Variants in PLXND1 observed in about 807,000 individuals in gnomAD.
PLXND1 encodes the protein plexin D1.
In PLXND1, 54 loss-of-function variants were observed where a neutral mutation model predicts 197.7. The ratio of observed to expected loss-of-function variants is 0.27; its 90% CI spans 0.22 to 0.34. The LOEUF (loss-of-function observed/expected upper bound fraction) is 0.34, where lower values mean the gene tolerates loss of function less well. Ranked by LOEUF, PLXND1 falls within the 10% of genes least tolerant of loss-of-function variation. The probability of loss-of-function intolerance (pLI) is 1.00; values close to 1 mark genes in which losing one functional copy is unlikely to be tolerated. For missense variants in PLXND1, 2,127 were observed against 2,699.2 expected (o/e 0.79, Z 4.70); for synonymous variants, 1,180 against 1,161.2 (o/e 1.02, Z -0.33).
In PLXND1 at chr3:129,605,305, GCCGCCGCCA is replaced by G. The variant is rs1351785066; in HGVS notation, c.1311+15_1311+23del. The G allele has an allele frequency of 8.8e-7, 1 of 1,133,228 alleles. No individual in the cohort carries two copies. Among genetic ancestry groups the G allele is most frequent in the Admixed American group, 4.5e-5 (1 of 22,214 alleles). The allele number at this position is 1,133,228 out of a possible 1,614,324, so 70.2% of individuals were successfully genotyped here. A position where few individuals can be genotyped will look rare whatever the true frequency, so the allele number is the denominator to read the frequency against. On this transcript the variant is annotated intron_variant, in intron 1 of 35. Transcript: ENST00000324093. ...CGCCCCCGCCGCCGCCGCCGCCGCC[GCCGCCGCCA>G]CCGCCCGGGTGTACCTGGATGTTGA... is the stretch of plus-strand genomic sequence containing the variant.
chr3:129,573,619 G>C lies in PLXND1; in HGVS notation c.2812C>G (p.Pro938Ala). ...WIGGVACEPLPDRYTVSEEIV... is the reference protein window; with the variant it reads ...WIGGVACEPLADRYTVSEEIV... The stretch of plus-strand genomic sequence containing the variant: ...TCCTCCGACACCGTGTATCTGTCAG[G>C]CAGTGGCTCACAGGCCACACCACCA... Residue 938 changes from proline to alanine, a missense_variant, in exon 13 of 36, where the codon CCT (proline) becomes GCT (alanine). By Grantham distance (27) the Pro-to-Ala change is conservative. Around this residue, in one of 6 missense-constraint regions of PLXND1, gnomAD observed 1,095 missense variants for 1,259.8 expected, o/e 0.87. Coordinates refer to ENST00000324093, the MANE Select transcript of PLXND1 (RefSeq NM_015103.3). The C allele has an allele frequency of 6.2e-7, 1 of 1,613,464 alleles. No homozygotes were observed. The highest frequency in any genetic ancestry group is 8.5e-7 in the Non-Finnish European group (1 of 1,179,974).
chr3:129,568,154 TGG>T (rs902763819), intron 20 of PLXND1, among the ~76,000 whole-genome samples: 1 of 151,948 alleles, frequency 6.6e-6, no homozygotes, highest in Admixed American at 6.6e-5. Flanking sequence ...CTTTCCTGGG[TGG>T]GAGGATTCTG....
rs1275216860 is a variant in PLXND1 at position 129,578,362 on chromosome 3, G to C, written c.2313C>G (p.Ile771Met). The C allele has an allele frequency of 6.2e-7, 1 of 1,607,046 alleles. No homozygotes were observed. Among genetic ancestry groups the C allele is most frequent in the African/African-American group, 1.3e-5 (1 of 74,894 alleles). Residue 771 changes from isoleucine to methionine, a missense_variant, in exon 9 of 36, where the codon ATC (isoleucine) becomes ATG (methionine). Ile to Met is a conservative substitution (Grantham distance 10). Coordinates refer to ENST00000324093, the MANE Select transcript of PLXND1 (RefSeq NM_015103.3). Reference sequence around the variant, plus strand: ...AGGCAGTGTTGGCCAGAGGCACCAGGATGTTCTGGGAGCCACCCGTAGGCA... The same window carrying C: ...AGGCAGTGTTGGCCAGAGGCACCAGCATGTTCTGGGAGCCACCCGTAGGCA... The part of the protein sequence containing the change: ...APVPTGGSQN[I>M]LVPLANTAFF...
At chr3:129,589,329 C>T (rs767422812) in intron 2 of PLXND1, 22 bp downstream of exon 2, 11 of 1,396,358 alleles carry the variant, frequency 7.9e-6, no homozygotes, top group Non-Finnish European at 9.9e-6. Context: ...CACCCCCTCC[C>T]CACATCCCCA....
chr3:129,560,425 T>A lies in PLXND1; in HGVS notation c.5038A>T (p.Thr1680Ser). Reference sequence around the variant, plus strand: ...TTCTTGGGCTCCGCCAGCTCGTCCGTAGGCAGCACCTGGGAGGCCGGGCAG... The same window carrying A: ...TTCTTGGGCTCCGCCAGCTCGTCCGAAGGCAGCACCTGGGAGGCCGGGCAG... ...TEKYFHLVLP[T>S]DELAEPKKSH... Residue 1680 changes from threonine (T) to serine (S), a missense_variant, in exon 31 of 36, where the codon ACG becomes TCG. Transcript: ENST00000324093. 1 of 1,612,564 alleles carries A rather than the reference T, an allele frequency of 6.2e-7. No individual in the cohort carries two copies. The highest frequency in any genetic ancestry group is 8.5e-7 in the Non-Finnish European group (1 of 1,178,746).
Position 129,605,383 on chromosome 3 carries a change from G to GAGC in PLXND1, c.1254_1256dup (p.Leu419dup), listed in dbSNP as rs1382276323. Reference sequence around the variant, plus strand: ...GTCCCGTGCCCTGCACCACGCTGTCGAGCACCGCCACCACGTCGGGCGCCG... The same window carrying GAGC: ...GTCCCGTGCCCTGCACCACGCTGTCGAGCAGCACCGCCACCACGTCGGGCGCCG... On this transcript the variant is annotated inframe_insertion, in exon 1 of 36. Coordinates refer to ENST00000324093, the MANE Select transcript of PLXND1 (RefSeq NM_015103.3). 3 of 1,502,282 alleles carry GAGC rather than the reference G, an allele frequency of 2.0e-6. No individual in the cohort carries two copies. The highest frequency in any genetic ancestry group is 2.6e-6 in the Non-Finnish European group (3 of 1,133,860). 93.1% of individuals were successfully genotyped at this position (1,502,282 alleles called of 1,614,324 possible).
chr3:129,569,663 G>A (rs2085193955), intron 20 of PLXND1, 180 bp downstream of exon 20: 3 of 592,800 alleles, frequency 5.1e-6, no homozygotes, highest in Non-Finnish European at 9.1e-6. Flanking sequence ...CTACCCATTG[G>A]TGCTGGAGCC....
chr3:129,567,653 G>C (rs1416111154), intron 21 of PLXND1, 45 bp downstream of exon 21: 4 of 1,578,896 alleles, frequency 2.5e-6, no homozygotes, highest in Admixed American at 1.7e-5. Context: ...CCATCCCCTA[G>C]GAGGGAAAGT....
In PLXND1 at chr3:129,565,217, C is replaced by T. The variant is rs4688770; in HGVS notation, c.4521+123G>A. The T allele has an allele frequency of 1.5e-3, 1,188 of 772,860 alleles. 11 individuals are homozygous for T. In the East Asian group the frequency reaches 0.016, roughly 11 times the overall value. The allele number at this position is 772,860 out of a possible 1,614,324, so 47.9% of individuals were successfully genotyped here. A position where few individuals can be genotyped will look rare whatever the true frequency, so the allele number is the denominator to read the frequency against. On this transcript the variant is annotated intron_variant, in intron 25 of 35. Coordinates refer to ENST00000324093, the MANE Select transcript of PLXND1 (RefSeq NM_015103.3). ...TACGGGCCTGGCCTGTCTCATGCAA[C>T]ACTCCCTCCTGGCAGAGCTGGCCTG...
intron 25 of PLXND1, among the ~76,000 whole-genome samples, chr3:129,563,735 C>T (rs1288987466): frequency 6.6e-6 from 1 of 152,228 alleles, no homozygotes; most frequent in Non-Finnish European, 1.5e-5. Flanking sequence ...TGTCCCTGCT[C>T]TTGCCCATCT....
intron 25 of PLXND1, among the ~76,000 whole-genome samples, chr3:129,564,029 G>A (rs895916869): frequency 2.6e-5 from 4 of 152,242 alleles, no homozygotes; most frequent in African/African-American, 7.2e-5. Context: ...GCTCATAGGG[G>A]AAGGCCTGGC....
intron 1 of PLXND1, among the ~76,000 whole-genome samples, chr3:129,605,064 C>T (rs2085763408): frequency 6.6e-6 from 1 of 152,226 alleles, no homozygotes; most frequent in African/African-American, 2.4e-5. Context: ...ACTTGGACCC[C>T]TCCCAGTACG....
chr3:129,605,670 G>A lies in PLXND1; in HGVS notation c.970C>T (p.Pro324Ser), dbSNP rs1455399849. The A allele has an allele frequency of 1.3e-6, 2 of 1,537,114 alleles. No individual in the cohort carries two copies. The highest frequency in any genetic ancestry group is 1.7e-6 in the Non-Finnish European group (2 of 1,145,102). The change falls in exon 1 of 36, where the codon CCC becomes TCC. Residue 324 changes from proline to serine, a missense_variant. Around this residue, in one of 6 missense-constraint regions of PLXND1, gnomAD observed 1,095 missense variants for 1,259.8 expected, o/e 0.87. Transcript: ENST00000324093. ...ARSLLARICL[P>S]HGAGGDAKKL... ...TTGGCGTCGCCGCCGGCGCCGTGGG[G>A]CAGGCAGATGCGCGCCAGCAGGCTC...
At chr3:129,571,434 G>A in intron 17 of PLXND1, 75 bp downstream of exon 17, 1 of 1,524,334 alleles carries the variant, frequency 6.6e-7, no homozygotes, top group Non-Finnish European at 9.1e-7. Context: ...TGCAGTGGGA[G>A]GAGGCCTGGT....
At chr3:129,593,396 G>A (rs2085574634) in intron 1 of PLXND1, among the ~76,000 whole-genome samples, 1 of 152,190 alleles carries the variant, frequency 6.6e-6, no homozygotes, top group Admixed American at 6.5e-5. Context: ...CCATGCCTCT[G>A]AGGCATTCGT....
intron 1 of PLXND1, among the ~76,000 whole-genome samples, 188 bp from the exon 2 acceptor site, chr3:129,589,715 C>G (rs1375931241): frequency 2.0e-5 from 3 of 152,210 alleles, no homozygotes; most frequent in Admixed American, 6.5e-5. Context: ...CCTGCCCTGA[C>G]CTCAGTGTTG....
chr3:129,569,544 T>C, intron 20 of PLXND1: 1 of 360,990 alleles, frequency 2.8e-6, no homozygotes, highest in South Asian at 3.8e-5. Flanking sequence ...CTCTCTTAAG[T>C]ACCTTCAGTA....
At chr3:129,583,410 G>A (rs2085412415) in intron 8 of PLXND1, among the ~76,000 whole-genome samples, 157 bp downstream of exon 8, 3 of 152,222 alleles carry the variant, frequency 2.0e-5, no homozygotes, top group South Asian at 2.1e-4. Flanking sequence ...TATAGGGCAT[G>A]GGTTAAACGC....
rs756264701 is a variant in PLXND1 at position 129,605,915 on chromosome 3, G to T, written c.725C>A (p.Ser242Tyr). Reference protein sequence around the residue: ...FENTPEIAIRSLDTRGDLAKL... With the variant: ...FENTPEIAIRYLDTRGDLAKL... ...GGCCAGGTCGCCGCGCGTGTCCAGG[G>T]AGCGGATGGCGATCTCGGGCGTGTT... The change falls in exon 1 of 36, where the codon TCC becomes TAC. Residue 242 changes from serine (S) to tyrosine (Y), a missense_variant. By Grantham distance (144) the Ser-to-Tyr change is moderately radical. Around this residue, in one of 6 missense-constraint regions of PLXND1, gnomAD observed 1,095 missense variants for 1,259.8 expected, o/e 0.87. Transcript: ENST00000324093. The T allele has an allele frequency of 8.1e-6, 13 of 1,613,608 alleles. No individual in the cohort carries two copies. Among genetic ancestry groups the T allele is most frequent in the Non-Finnish European group, 1.1e-5 (13 of 1,179,906 alleles).
Sources: gnomAD v4.1 joint callset for allele counts (sites outside exome capture counted in the v4.1 genomes callset) on GRCh38, gnomAD v4.1.1 for gene constraint, gnomAD v4.1.1 regional missense constraint, MANE v1.5 for transcripts, NCBI Gene and HGNC (gene_info 2026-07-23, HGNC 2026-07-21) for gene names.